ADD3: variants seen among roughly 807,000 people sequenced by gnomAD.
ADD3 encodes gamma-adducin.
Under a neutral mutation model 80.2 loss-of-function variants are expected in ADD3, and 25 were observed. That is an observed-to-expected ratio of 0.31 (90% CI 0.23 to 0.44). The LOEUF is 0.44. Among genes scored for constraint, ADD3 ranks in the 20% least tolerant of loss-of-function variants. The pLI, the probability that ADD3 is intolerant of heterozygous loss-of-function variation, is 1.00. For missense variants in ADD3, 829 were observed against 847.5 expected (o/e 0.98, Z 0.27); for synonymous variants, 284 against 289.6 (o/e 0.98, Z 0.20).
chr10:110,077,515 TTGTG>T (rs1265028147), intron 1 of ADD3, among the ~76,000 whole-genome samples: 1 of 152,172 alleles, frequency 6.6e-6, no homozygotes, highest in African/African-American at 2.4e-5. Context: ...GACATGAACT[TTGTG>T]TGTAAGAGTG....
chr10:110,004,605 G>A (rs1042075055), upstream of ADD3, among the ~76,000 whole-genome samples: 1 of 151,728 alleles, frequency 6.6e-6, no homozygotes, highest in Non-Finnish European at 1.5e-5. Context: ...CACCATGACC[G>A]GCCAGACCCT....
intron 1 of ADD3, among the ~76,000 whole-genome samples, chr10:110,026,283 T>G (rs1854291120): frequency 1.3e-5 from 1 of 75,386 alleles, no homozygotes; most frequent in South Asian, 6.0e-4. Flanking sequence ...AGTTTTCTTG[T>G]TTTTTTTTTT....
At chr10:110,096,211 A>G (rs552263244) in intron 1 of ADD3, among the ~76,000 whole-genome samples, 2 of 152,336 alleles carry the variant, frequency 1.3e-5, no homozygotes, top group Admixed American at 6.5e-5. Flanking sequence ...CTACCTAGAA[A>G]TCTTAGTGAG....
intron 6 of ADD3, 148 bp downstream of exon 6, chr10:110,118,884 C>A: frequency 2.5e-6 from 2 of 792,248 alleles, no homozygotes; most frequent in Non-Finnish European, 3.9e-6. Context: ...CCTTTGGGAC[C>A]AAATGCTACC....
chr10:110,034,768 TA>T (rs1855451748), intron 1 of ADD3, among the ~76,000 whole-genome samples: 1 of 152,210 alleles, frequency 6.6e-6, no homozygotes, highest in Non-Finnish European at 1.5e-5. Context: ...GAATGTTTTT[TA>T]AAAAATGTTA....
chr10:110,025,043 G>A (rs1246657664), intron 1 of ADD3, among the ~76,000 whole-genome samples: 1 of 151,594 alleles, frequency 6.6e-6, no homozygotes, highest in Non-Finnish European at 1.5e-5. Context: ...ACAGGCGTGC[G>A]CCACCATGCC....
chr10:110,037,421 A>G (rs531850615), intron 1 of ADD3, among the ~76,000 whole-genome samples: 3 of 152,058 alleles, frequency 2.0e-5, no homozygotes, highest in African/African-American at 7.2e-5. Context: ...CCTGGCCAAC[A>G]TGGTGAAACC....
intron 1 of ADD3, among the ~76,000 whole-genome samples, chr10:110,023,301 T>C (rs1853900491): frequency 6.6e-6 from 1 of 152,184 alleles, no homozygotes; most frequent in Non-Finnish European, 1.5e-5. Context: ...AGATGACAAC[T>C]ATCTGTGAAC....
chr10:110,064,335 G>A (rs979382449), intron 1 of ADD3, among the ~76,000 whole-genome samples: 1 of 152,140 alleles, frequency 6.6e-6, no homozygotes, highest in African/African-American at 2.4e-5. Context: ...CAAAGTATTT[G>A]TACTAATTGA....
At chr10:110,132,445 G>C (rs750949553) in intron 14 of ADD3, 45 bp downstream of exon 14, 1 of 1,314,488 alleles carries the variant, frequency 7.6e-7, no homozygotes, top group Non-Finnish European at 1.1e-6. Context: ...AGTTAGTCTT[G>C]AGTCTGTCCC....
chr10:110,091,021 A>G (rs1023051823), intron 1 of ADD3, among the ~76,000 whole-genome samples: 2 of 152,374 alleles, frequency 1.3e-5, no homozygotes, highest in Non-Finnish European at 2.9e-5. Context: ...GAATTTAAGA[A>G]TAATACGGAT....
intron 1 of ADD3, among the ~76,000 whole-genome samples, chr10:110,075,412 C>T (rs1259476334): frequency 6.6e-6 from 1 of 151,972 alleles, no homozygotes; most frequent in Non-Finnish European, 1.5e-5. Context: ...CATTTTGTCT[C>T]TTCAACTCTG....
chr10:110,119,933 G>A (rs1047384030), intron 8 of ADD3, among the ~76,000 whole-genome samples: 1 of 152,158 alleles, frequency 6.6e-6, no homozygotes, highest in African/African-American at 2.4e-5. Context: ...TAAAAAGTTT[G>A]ACTAGGTCCA....
chr10:110,092,679 TACC>T (rs1847680864), intron 1 of ADD3, among the ~76,000 whole-genome samples: 1 of 152,116 alleles, frequency 6.6e-6, no homozygotes, highest in Non-Finnish European at 1.5e-5. Context: ...CCGTACAATT[TACC>T]TATGTAACAG....
chr10:110,130,191 A>AGAGCATTGTAAGGGC (rs1281011417), intron 12 of ADD3, among the ~76,000 whole-genome samples, 172 bp from the exon 13 acceptor site: 4 of 152,212 alleles, frequency 2.6e-5, no homozygotes, highest in Admixed American at 1.3e-4. Context: ...AAGGGCATCA[A>AGAGCATTGTAAGGGC]TCTTACAAGA....
chr10:110,051,855 T>G (rs1219148067), intron 1 of ADD3, among the ~76,000 whole-genome samples: 2 of 152,196 alleles, frequency 1.3e-5, no homozygotes, highest in African/African-American at 4.8e-5. Flanking sequence ...CAGGCTGAAG[T>G]GTAGTGGCAC....
intron 1 of ADD3, among the ~76,000 whole-genome samples, chr10:110,089,609 G>C (rs1455714097): frequency 1.3e-5 from 2 of 152,006 alleles, no homozygotes; most frequent in African/African-American, 2.4e-5. Flanking sequence ...AAGGCTGTGT[G>C]TCTTTGGGTT....
chr10:110,054,571 A>G (rs1564900015), intron 1 of ADD3, among the ~76,000 whole-genome samples: 1 of 148,498 alleles, frequency 6.7e-6, no homozygotes, highest in Non-Finnish European at 1.5e-5. Flanking sequence ...CCTGCGGAGT[A>G]GCTGGGATTT....
intron 1 of ADD3, among the ~76,000 whole-genome samples, chr10:110,038,162 C>G (rs1400801948): frequency 2.6e-5 from 4 of 151,888 alleles, no homozygotes; most frequent in Admixed American, 2.6e-4. Flanking sequence ...CAGAGATAGC[C>G]TCTTATATTA....
Sources: allele counts gnomAD v4.1 joint callset (sites outside exome capture counted in the v4.1 genomes callset), GRCh38; gene constraint gnomAD v4.1.1; transcripts MANE v1.5; gene names NCBI Gene and HGNC (gene_info 2026-07-23, HGNC 2026-07-21).